The following EMILIN2 variants were observed in gnomAD, a reference collection of about 807,000 sequenced individuals.
EMILIN2 encodes elastin microfibril interfacer 2.
In EMILIN2, 71 loss-of-function variants were observed where a neutral mutation model predicts 87.1. That is an observed-to-expected ratio of 0.82 (90% CI 0.67 to 0.99). EMILIN2 has a LOEUF of 0.99. EMILIN2 is among the 50% of genes least tolerant of loss of function. The pLI is 0.00. For synonymous variants in EMILIN2, 581 were observed against 563.4 expected, an observed-to-expected ratio of 1.03 and a Z score of -0.44; for missense variants, 1,407 against 1,371.8, an observed-to-expected ratio of 1.03 and a Z score of -0.40.
intron 3 of EMILIN2, among the ~76,000 whole-genome samples, chr18:2,885,489 C>T (rs548099577): frequency 1.1e-3 from 168 of 152,228 alleles, no homozygotes; most frequent in Non-Finnish European, 2.0e-3. Context: ...TGGGCCCATA[C>T]ATCTGAATTT....
rs1464532031 is a variant in EMILIN2, at chr18:2,915,572, G to A, written c.*2168G>A. 1 of 152,002 alleles carries A rather than the reference G, an allele frequency of 6.6e-6. No individual in the cohort carries two copies. The highest frequency in any genetic ancestry group is 6.6e-5 in the Admixed American group (1 of 15,264). The allele number at this position is 152,002 out of a possible 1,614,324, so 9.4% of individuals were successfully genotyped here. ...CAGTCCTACTCTGTCGCCCAGGCTG[G>A]AGTGCAGTAGCGCGATCTCAGCTCA... On this transcript the variant is annotated 3_prime_UTR_variant, in exon 8 of 8. Transcript: ENST00000254528.
At chr18:2,874,275 A>C (rs1452510320) in intron 2 of EMILIN2, among the ~76,000 whole-genome samples, 1 of 151,982 alleles carries the variant, frequency 6.6e-6, no homozygotes, top group Non-Finnish European at 1.5e-5. Flanking sequence ...GGCTGGTCTC[A>C]AACTCCTGGG....
intron 2 of EMILIN2, among the ~76,000 whole-genome samples, chr18:2,853,343 G>C (rs185051838): frequency 2.6e-5 from 4 of 152,240 alleles, no homozygotes; most frequent in African/African-American, 9.6e-5. Flanking sequence ...GCGATCGCCC[G>C]TCAGTGTGGT....
Position 2,891,375 on chromosome 18 carries a change from C to T in EMILIN2, c.1248C>T (p.Ile416=), listed in dbSNP as rs76578174. The stretch of plus-strand genomic sequence containing the variant: ...AGATCAAGACATTGGACCAGAAAAT[C>T]GAGAGAGTTGCTGAAGCCACCAGAA... ...GQQIKTLDQK[I]ERVAEATRML... The change falls in exon 4 of 8, where the codon ATC becomes ATT. Residue 416 remains isoleucine, a synonymous_variant. Transcript: ENST00000254528. This position sits in a 1 kb window ranked among gnomAD's most constrained non-coding sequence, Gnocchi z 4.6. 472 of 1,614,146 alleles carry T rather than the reference C, an allele frequency of 2.9e-4. No individual in the cohort carries two copies. In the African/African-American group the frequency reaches 5.3e-3, roughly 18 times the overall value.
chr18:2,871,637 G>A (rs2076720511), intron 2 of EMILIN2, among the ~76,000 whole-genome samples: 1 of 152,162 alleles, frequency 6.6e-6, no homozygotes, highest in Non-Finnish European at 1.5e-5. Context: ...CCTCTGTTGA[G>A]GGTATTGCTA....
intron 2 of EMILIN2, among the ~76,000 whole-genome samples, chr18:2,856,789 T>A (rs1382806470): frequency 6.6e-6 from 1 of 152,206 alleles, no homozygotes; most frequent in Non-Finnish European, 1.5e-5. Context: ...AACAAACCAC[T>A]TGATAACATG....
rs1473080709 is a variant in EMILIN2, at chr18:2,907,046, G to A, written c.2623G>A (p.Gly875Ser). The A allele has an allele frequency of 2.3e-6, 3 of 1,277,648 alleles. No homozygotes were observed. The highest frequency in any genetic ancestry group is 3.0e-6 in the Non-Finnish European group (3 of 1,016,648). The allele number at this position is 1,277,648 out of a possible 1,614,324, so 79.1% of individuals were successfully genotyped here. A position where few individuals can be genotyped will look rare whatever the true frequency, so the allele number is the denominator to read the frequency against. The change falls in exon 5 of 8, where the codon GGC (glycine) becomes AGC (serine). Residue 875 changes from glycine to serine, a missense_variant. Physicochemically the swap from Gly to Ser is moderately conservative, Grantham distance 56. Transcript: ENST00000254528. ...PRGVDGQTGS[G>S]TVPGAEGFAG... ...GGGCGTGGACGGCCAGACCGGGAGC[G>A]GCACCGTCCCCGGCGCAGAAGGCTT...
At position 2,891,396 on chromosome 18, in the gene EMILIN2, C is replaced by T; in HGVS notation, c.1269C>T (p.Thr423=). The change falls in exon 4 of 8, where the codon ACC becomes ACT. Residue 423 remains threonine, a synonymous_variant. Coordinates refer to ENST00000254528, the MANE Select transcript of EMILIN2 (RefSeq NM_032048.3). This position sits in a 1 kb window ranked among gnomAD's most constrained non-coding sequence, Gnocchi z 4.6. ...AAATCGAGAGAGTTGCTGAAGCCACCAGAATGCTGAATGGAAGACTGGACA... is the reference window on the plus strand; with the variant it reads ...AAATCGAGAGAGTTGCTGAAGCCACTAGAATGCTGAATGGAAGACTGGACA... The part of the protein sequence containing the change: ...DQKIERVAEA[T]RMLNGRLDNE... 6.2e-7 allele frequency: 1 copy of T among 1,614,158 alleles called. No individual in the cohort carries two copies. Among genetic ancestry groups the T allele is most frequent in the Non-Finnish European group, 8.5e-7 (1 of 1,180,030 alleles).
intron 5 of EMILIN2, among the ~76,000 whole-genome samples, 178 bp downstream of exon 5, chr18:2,907,263 C>G (rs902663728): frequency 6.6e-6 from 1 of 152,202 alleles, no homozygotes; most frequent in South Asian, 2.1e-4. Context: ...GTCCAGCACA[C>G]GGAGGCCGGG....
chr18:2,864,056 T>G (rs1400565210), intron 2 of EMILIN2, among the ~76,000 whole-genome samples: 5 of 152,240 alleles, frequency 3.3e-5, no homozygotes, highest in African/African-American at 1.2e-4. Flanking sequence ...TGCCTTTTTT[T>G]GTTTTCCATT....
intron 2 of EMILIN2, among the ~76,000 whole-genome samples, chr18:2,866,536 T>C (rs1419981204): frequency 6.6e-6 from 1 of 152,242 alleles, no homozygotes; most frequent in African/African-American, 2.4e-5. Context: ...CTGATTTGTG[T>C]ACATTAATTT....
intron 2 of EMILIN2, among the ~76,000 whole-genome samples, chr18:2,878,995 T>C (rs2076763526): frequency 6.6e-6 from 1 of 152,122 alleles, no homozygotes; most frequent in East Asian, 1.9e-4. Context: ...GTCAGTGCTG[T>C]AAACACAAGG....
Position 2,858,569 on chromosome 18 carries a change from ATGTG to A in EMILIN2, c.257+10650_257+10653del, listed in dbSNP as rs1178571289. ...TATATATATATATATATATATATATATGTGTGTGTGTGTGTATATATATATATAT... is the reference window on the plus strand; with the variant it reads ...TATATATATATATATATATATATATATGTGTGTGTGTATATATATATATAT... On this transcript the variant is annotated intron_variant, in intron 2 of 7. Coordinates refer to ENST00000254528, the MANE Select transcript of EMILIN2 (RefSeq NM_032048.3). Among the ~76,000 whole-genome samples the A allele has an allele frequency of 1.6e-3, 91 of 55,344 alleles. 4 individuals are homozygous for A. The highest frequency in any genetic ancestry group is 4.7e-3 in the South Asian group (6 of 1,278). The allele number at this position is 55,344 out of a possible 152,430, so 36.3% of individuals were successfully genotyped here. A position where few individuals can be genotyped will look rare whatever the true frequency, so the allele number is the denominator to read the frequency against.
Position 2,908,980 on chromosome 18 carries a change from G to C in EMILIN2, c.2695+5G>C, listed in dbSNP as rs1020055930. 3 of 1,613,198 alleles carry C rather than the reference G, an allele frequency of 1.9e-6. No individual in the cohort carries two copies. Among genetic ancestry groups the C allele is most frequent in the African/African-American group, 2.7e-5 (2 of 74,888 alleles). ...CACCTCCTGTAGCTTCCCCAGGTAT[G>C]TCTGCTGAGAGACCAGGAGCAGGAG... On this transcript the variant is annotated splice_donor_5th_base_variant and intron_variant, in intron 6 of 7. Coordinates refer to ENST00000254528, the MANE Select transcript of EMILIN2 (RefSeq NM_032048.3).
intron 3 of EMILIN2, among the ~76,000 whole-genome samples, chr18:2,887,078 C>T (rs2076806842): frequency 6.6e-6 from 1 of 152,194 alleles, no homozygotes; most frequent in South Asian, 2.1e-4. Context: ...GGGAAGCAAA[C>T]TTTTTACCAC....
rs573978453 is a variant in EMILIN2 at position 2,900,815 on chromosome 18, C to T, written c.2360-5968C>T. Among the ~76,000 whole-genome samples, 11 of 152,308 alleles carry T rather than the reference C, an allele frequency of 7.2e-5. No homozygotes were observed. In the East Asian group the frequency reaches 2.1e-3, roughly 29 times the overall value. On this transcript the variant is annotated intron_variant, in intron 4 of 7. Transcript: ENST00000254528. ...TCAGCAGAGCAGTCAACTGTGAAAG[C>T]ATCTTCCATCCATCCGCCTAGCATT...
intron 3 of EMILIN2, among the ~76,000 whole-genome samples, chr18:2,885,662 C>T (rs889959575): frequency 7.9e-5 from 12 of 152,072 alleles, no homozygotes; most frequent in Admixed American, 2.0e-4. Context: ...GGATTACAGG[C>T]GCCTGCCACC....
At position 2,890,961 on chromosome 18, in the gene EMILIN2, C is replaced by A. The variant is rs539114290; in HGVS notation, c.834C>A (p.Asp278Glu). The A allele has an allele frequency of 6.2e-7, 1 of 1,614,174 alleles. No homozygotes were observed. Among genetic ancestry groups the A allele is most frequent in the African/African-American group, 1.3e-5 (1 of 75,068 alleles). ...EVKDTLKNKS[D>E]KLEELDGKVK... ...AAGATACTCTAAAGAACAAAAGTGACAAGCTGGAAGAGCTGGATGGAAAAG... is the reference window on the plus strand; with the variant it reads ...AAGATACTCTAAAGAACAAAAGTGAAAAGCTGGAAGAGCTGGATGGAAAAG... The change falls in exon 4 of 8, where the codon GAC becomes GAA. Residue 278 changes from aspartate to glutamate, a missense_variant. Asp to Glu is a conservative substitution (Grantham distance 45). Coordinates refer to ENST00000254528, the MANE Select transcript of EMILIN2 (RefSeq NM_032048.3). This position sits in a 1 kb window ranked among gnomAD's most constrained non-coding sequence, Gnocchi z 4.7.
chr18:2,869,321 A>T (rs2076707487), intron 2 of EMILIN2, among the ~76,000 whole-genome samples: 1 of 152,210 alleles, frequency 6.6e-6, no homozygotes, highest in Non-Finnish European at 1.5e-5. Context: ...TTACATGAGT[A>T]AGCCACATAT....
Sources: gnomAD v4.1 joint callset for allele counts (sites outside exome capture counted in the v4.1 genomes callset) on GRCh38, gnomAD v4.1.1 for gene constraint, Gnocchi (gnomAD v3.1) non-coding constraint, MANE v1.5 for transcripts, NCBI Gene and HGNC (gene_info 2026-07-23, HGNC 2026-07-21) for gene names.